The following TINAGL1 variants were observed in gnomAD, a reference collection of about 807,000 sequenced individuals.
The protein encoded by TINAGL1 is tubulointerstitial nephritis antigen-like.
Under a neutral mutation model 62.0 loss-of-function variants are expected in TINAGL1, and 34 were observed. That is an observed-to-expected ratio of 0.55 (90% confidence interval 0.42 to 0.73). The LOEUF is 0.73. TINAGL1 is among the 30% of genes least tolerant of loss of function. TINAGL1 has a pLI of 0.00. For synonymous variants in TINAGL1, 221 were observed against 249.7 expected (o/e 0.88, Z 1.08); for missense variants, 516 against 653.2 (o/e 0.79, Z 2.29).
chr1:31,583,520 A>G lies in TINAGL1; in HGVS notation c.527A>G (p.Tyr176Cys), dbSNP rs775298581. Residue 176 changes from tyrosine (Y) to cysteine (C), a missense_variant, in exon 5 of 12, where the codon TAC (tyrosine) becomes TGC (cysteine). Physicochemically the swap from Tyr to Cys is radical, Grantham distance 194. Transcript: ENST00000271064. This position sits in a 1 kb window ranked among gnomAD's most constrained non-coding sequence, Gnocchi z 4.4. ...ATGACCCTGGATGAGGGCATTCGCT[A>G]CCGCCTGGGCACCATCCGCCCATCT... The part of the protein sequence containing the change: ...WGMTLDEGIR[Y>C]RLGTIRPSSS... The G allele has an allele frequency of 1.2e-6, 2 of 1,613,960 alleles. No individual in the cohort carries two copies. The highest frequency in any genetic ancestry group is 2.7e-5 in the African/African-American group (2 of 74,944).
chr1:31,580,539 G>A (rs1443208209), intron 3 of TINAGL1: 10 of 1,289,150 alleles, frequency 7.8e-6, no homozygotes, highest in Admixed American at 2.3e-5. Context: ...AGAGGGAAAG[G>A]AAGGATGAGG....
intron 2 of TINAGL1, among the ~76,000 whole-genome samples, chr1:31,578,359 A>G (rs1639068234): frequency 7.9e-6 from 1 of 126,396 alleles, no homozygotes; most frequent in African/African-American, 3.1e-5. Context: ...GTTTGGCTTC[A>G]ATTTCAGTGA....
At chr1:31,580,257 CTCTCTCTCACTGCTG>C in intron 3 of TINAGL1, 1 of 1,192,792 alleles carries the variant, frequency 8.4e-7, no homozygotes, top group Non-Finnish European at 1.1e-6. Context: ...CTCTGTCTCT[CTCTCTCTCACTGCTG>C]TCCCTGGCCC....
In TINAGL1 at chr1:31,586,972, A is replaced by T; in HGVS notation, c.1397A>T (p.His466Leu). 6.7e-7 allele frequency: 1 copy of T among 1,502,850 alleles called. No homozygotes were observed. The highest frequency in any genetic ancestry group is 8.8e-7 in the Non-Finnish European group (1 of 1,130,014). 93.1% of individuals were successfully genotyped at this position (1,502,850 alleles called of 1,614,324 possible). ...WGRVGMEDMG[H>L]H Reference sequence around the variant, plus strand: ...CGCGTGGGCATGGAGGACATGGGTCATCACTGAGGCTGCGGGCACCACGCG... The same window carrying T: ...CGCGTGGGCATGGAGGACATGGGTCTTCACTGAGGCTGCGGGCACCACGCG... Residue 466 changes from histidine to leucine, a missense_variant, in exon 12 of 12, where the codon CAT (histidine) becomes CTT (leucine). By Grantham distance (99) the His-to-Leu change is moderately conservative. Transcript: ENST00000271064.
At chr1:31,582,844 G>A (rs1639282676) in intron 3 of TINAGL1, among the ~76,000 whole-genome samples, 1 of 151,488 alleles carries the variant, frequency 6.6e-6, no homozygotes, top group South Asian at 2.1e-4. Flanking sequence ...GAGAACTGTA[G>A]GGGGAATAAG....
chr1:31,586,768 A>T lies in TINAGL1; in HGVS notation c.1263+13A>T. 6.4e-7 allele frequency: 1 copy of T among 1,551,056 alleles called. No individual in the cohort carries two copies. ...GCTCAAATACTGGGTGAGGCCGCTG[A>T]CCCTTTCCCCGCCCCCTCTTCCCCT... On this transcript the variant is annotated intron_variant, in intron 11 of 11. Coordinates refer to ENST00000271064, the MANE Select transcript of TINAGL1 (RefSeq NM_022164.3).
chr1:31,586,788 T>C, intron 11 of TINAGL1, 33 bp downstream of exon 11: 1 of 1,549,770 alleles, frequency 6.5e-7, no homozygotes, highest in Non-Finnish European at 8.7e-7. Flanking sequence ...CGCCCCCTCT[T>C]CCCCTCGCCC....
chr1:31,586,598 G>A, intron 10 of TINAGL1, 112 bp from the exon 11 acceptor site: 1 of 1,242,394 alleles, frequency 8.0e-7, no homozygotes, highest in Non-Finnish European at 1.2e-6. Flanking sequence ...CCCTAAGGGT[G>A]TACCCAACCC....
Position 31,579,596 on chromosome 1 carries a change from G to A in TINAGL1, c.374+329G>A, listed in dbSNP as rs41263961. ...CACTGCAGAGTCAGAGGGAGAAGGG[G>A]GCGCCAGGAAGGAAAGCTCTGACTG... On this transcript the variant is annotated intron_variant, in intron 3 of 11. Transcript: ENST00000271064. Among the ~76,000 whole-genome samples, 1,120 of 152,262 alleles carry A rather than the reference G, an allele frequency of 7.4e-3. 8 individuals carry two copies. Among genetic ancestry groups the A allele is most frequent in the Middle Eastern group, 0.014 (4 of 294 alleles).
At position 31,586,938 on chromosome 1, in the gene TINAGL1, G is replaced by C; in HGVS notation, c.1363G>C (p.Val455Leu). 1 of 1,535,262 alleles carries C rather than the reference G, an allele frequency of 6.5e-7. No individual in the cohort carries two copies. The highest frequency in any genetic ancestry group is 8.7e-7 in the Non-Finnish European group (1 of 1,144,704). Residue 455 changes from valine (V) to leucine (L), a missense_variant, in exon 12 of 12, where the codon GTC becomes CTC. By Grantham distance (32) the Val-to-Leu change is conservative (BLOSUM62 1). Coordinates refer to ENST00000271064, the MANE Select transcript of TINAGL1 (RefSeq NM_022164.3). The stretch of plus-strand genomic sequence containing the variant: ...CGACATCGAGAGCTTCGTGCTGGGC[G>C]TCTGGGGCCGCGTGGGCATGGAGGA... ...ECDIESFVLG[V>L]WGRVGMEDMG... is the part of the protein sequence containing the mutation.
chr1:31,578,060 C>A, intron 2 of TINAGL1: 1 of 720,890 alleles, frequency 1.4e-6, no homozygotes, highest in Non-Finnish European at 1.7e-6. Flanking sequence ...CCATGCTCCT[C>A]CCACTCCCCA....
In TINAGL1 at chr1:31,585,133, C is replaced by T. The variant is rs559776031; in HGVS notation, c.858-18C>T. 2 of 1,567,908 alleles carry T rather than the reference C, an allele frequency of 1.3e-6. No homozygotes were observed. Among genetic ancestry groups the T allele is most frequent in the Non-Finnish European group, 1.7e-6 (2 of 1,153,802 alleles). ...CACTGAGTCTTTCTGCCTTTGCTCCCTCTTGCTGCCTTTGCAGGGTGGTGT... is the reference window on the plus strand; with the variant it reads ...CACTGAGTCTTTCTGCCTTTGCTCCTTCTTGCTGCCTTTGCAGGGTGGTGT... On this transcript the variant is annotated intron_variant, in intron 7 of 11. Transcript: ENST00000271064. The surrounding 1 kb of genome is among the most constrained non-coding windows in gnomAD (Gnocchi z 4.3).
chr1:31,580,502 G>A (rs1355093764), intron 3 of TINAGL1: 3 of 1,289,198 alleles, frequency 2.3e-6, no homozygotes, highest in Non-Finnish European at 3.0e-6. Flanking sequence ...GCCTAGGTGT[G>A]CAGAGGGGGA....
intron 10 of TINAGL1, chr1:31,586,392 G>C (rs948582280): frequency 6.1e-5 from 31 of 509,564 alleles, no homozygotes; most frequent in African/African-American, 4.7e-4. Flanking sequence ...GTGAGGGAGG[G>C]CAGGTGGATG....
intron 3 of TINAGL1, chr1:31,580,355 G>A (rs1289932188): frequency 1.6e-6 from 2 of 1,286,904 alleles, no homozygotes; most frequent in Admixed American, 4.6e-5. Flanking sequence ...AGCCCTGGGG[G>A]CAAAGGAGGA....
Position 31,577,566 on chromosome 1 carries a change from T to C in TINAGL1, c.310+108T>C, listed in dbSNP as rs1042415377. On this transcript the variant is annotated intron_variant, in intron 2 of 11. Transcript: ENST00000271064. This position sits in a 1 kb window ranked among gnomAD's most constrained non-coding sequence, Gnocchi z 5.4. ...ACTGACATTTCCAGGGGAAGCTCTG[T>C]AGAATCTGGGACTCTTCCCTGCCCC... The C allele has an allele frequency of 4.7e-6, 6 of 1,273,184 alleles. No homozygotes were observed. The highest frequency in any genetic ancestry group is 4.8e-5 in the Admixed American group (2 of 41,658). 78.9% of individuals were successfully genotyped at this position (1,273,184 alleles called of 1,614,324 possible).
chr1:31,580,062 A>G (rs921431823), intron 3 of TINAGL1, among the ~76,000 whole-genome samples: 20 of 133,772 alleles, frequency 1.5e-4, no homozygotes, highest in African/African-American at 5.2e-4. Context: ...CTGTGTGTGC[A>G]CTGTGTGTGT....
At position 31,580,070 on chromosome 1, in the gene TINAGL1, T is replaced by C. The variant is rs1017565904; in HGVS notation, c.374+803T>C. ...AGCGTGACTGTGTGTGCACTGTGTG[T>C]GTGTGTGTGTGTGTGTTCAAAAGGA... is the stretch of plus-strand genomic sequence containing the variant. On this transcript the variant is annotated intron_variant, in intron 3 of 11. Transcript: ENST00000271064. Among the ~76,000 whole-genome samples the C allele has an allele frequency of 6.7e-5, 6 of 89,342 alleles. No individual in the cohort carries two copies. In the Admixed American group the frequency reaches 6.7e-4, roughly 10 times the overall value. The allele number at this position is 89,342 out of a possible 152,430, so 58.6% of individuals were successfully genotyped here. A position where few individuals can be genotyped will look rare whatever the true frequency, so the allele number is the denominator to read the frequency against.
rs1335126877 is a variant in TINAGL1 at position 31,585,422 on chromosome 1, C to A, written c.1048-18C>A. On this transcript the variant is annotated intron_variant, in intron 8 of 11. Coordinates refer to ENST00000271064, the MANE Select transcript of TINAGL1 (RefSeq NM_022164.3). The surrounding 1 kb of genome is among the most constrained non-coding windows in gnomAD (Gnocchi z 4.3). ...CTCACCCCTGACGTATGCTCTCTGT[C>A]CATCCCCTGCCCTCCAGGACAAGGA... The A allele has an allele frequency of 6.2e-7, 1 of 1,613,838 alleles. No homozygotes were observed. The highest frequency in any genetic ancestry group is 1.1e-5 in the South Asian group (1 of 90,998).
Sources: allele counts gnomAD v4.1 joint callset (sites outside exome capture counted in the v4.1 genomes callset), GRCh38; gene constraint gnomAD v4.1.1; non-coding constraint Gnocchi (gnomAD v3.1); transcripts MANE v1.5; gene names NCBI Gene and HGNC (gene_info 2026-07-23, HGNC 2026-07-21).